ATP6V0A2: variants seen among roughly 807,000 people sequenced by gnomAD.
ATP6V0A2 encodes V-type proton ATPase 116 kDa subunit a 2.
Under a neutral mutation model 104.4 loss-of-function variants are expected in ATP6V0A2, and 58 were observed. The observed-to-expected ratio is 0.56, with a 90% CI of 0.45 to 0.69. The LOEUF is 0.69. ATP6V0A2 is among the 30% of genes least tolerant of loss of function. The pLI, the probability that ATP6V0A2 is intolerant of heterozygous loss-of-function variation, is 0.00. For missense variants in ATP6V0A2, 938 were observed against 1,062.9 expected (o/e 0.88, Z 1.63); for synonymous variants, 376 against 397.9 (o/e 0.95, Z 0.65).
At chr12:123,745,298 A>G (rs1022776710) in intron 13 of ATP6V0A2, among the ~76,000 whole-genome samples, 23 of 152,204 alleles carry the variant, frequency 1.5e-4, no homozygotes, top group African/African-American at 5.3e-4. Context: ...TTCCTCGTAT[A>G]TGTGAACTTT....
Position 123,759,882 on chromosome 12 carries a change from G to T in ATP6V0A2, c.*1850G>T, listed in dbSNP as rs1245631323. On this transcript the variant is annotated 3_prime_UTR_variant, in exon 20 of 20. Transcript: ENST00000330342. ...TGTCCCTCATATTAAATTATCAAATGATGCCGATGAAATGCTTGAAAATGA... is the reference window on the plus strand; with the variant it reads ...TGTCCCTCATATTAAATTATCAAATTATGCCGATGAAATGCTTGAAAATGA... 6.6e-6 allele frequency: 1 copy of T among 152,206 alleles called. No homozygotes were observed. The highest frequency in any genetic ancestry group is 2.4e-5 in the African/African-American group (1 of 41,438). 9.4% of individuals were successfully genotyped at this position (152,206 alleles called of 1,614,324 possible). A position where few individuals can be genotyped will look rare whatever the true frequency, so the allele number is the denominator to read the frequency against.
intron 1 of ATP6V0A2, among the ~76,000 whole-genome samples, chr12:123,716,803 AG>A (rs1298236087): frequency 5.3e-5 from 8 of 151,290 alleles, no homozygotes; most frequent in African/African-American, 2.0e-4. Flanking sequence ...AAAAAAAAAA[AG>A]AGTTTATAGA....
At position 123,752,371 on chromosome 12, in the gene ATP6V0A2, A is replaced by G. The variant is rs1956724373; in HGVS notation, c.2144A>G (p.Glu715Gly). ...QDIEEGNHQV[E>G]DGCREMACEE... Reference sequence around the variant, plus strand: ...ATAGAAGAGGGAAATCACCAGGTGGAAGATGGATGTAGAGAAATGGCGTGT... The same window carrying G: ...ATAGAAGAGGGAAATCACCAGGTGGGAGATGGATGTAGAGAAATGGCGTGT... Residue 715 changes from glutamate to glycine, a missense_variant, in exon 17 of 20, where the codon GAA (glutamate) becomes GGA (glycine). Glu to Gly is a moderately conservative substitution (Grantham distance 98, BLOSUM62 -2). Coordinates refer to ENST00000330342, the MANE Select transcript of ATP6V0A2 (RefSeq NM_012463.4). The G allele has an allele frequency of 6.2e-7, 1 of 1,614,052 alleles. No individual in the cohort carries two copies. The highest frequency in any genetic ancestry group is 8.5e-7 in the Non-Finnish European group (1 of 1,180,028).
chr12:123,757,068 AG>A (rs1566294881), intron 19 of ATP6V0A2, 82 bp downstream of exon 19: 6 of 1,430,808 alleles, frequency 4.2e-6, no homozygotes, highest in Non-Finnish European at 5.9e-6. Flanking sequence ...AAATATACAC[AG>A]CCCCTGCAAA....
In ATP6V0A2 at chr12:123,722,445, G is replaced by T; in HGVS notation, c.291G>T (p.Met97Ile). The change falls in exon 3 of 20, where the codon ATG becomes ATT. Residue 97 changes from methionine to isoleucine, a missense_variant. Met to Ile is a conservative substitution (Grantham distance 10, BLOSUM62 1). Coordinates refer to ENST00000330342, the MANE Select transcript of ATP6V0A2 (RefSeq NM_012463.4). ...CACCCCTGAAACAGGTTCTAGAAAT[G>T]CAGGTAACTTGCTTCTGACGAAGCT... is the stretch of plus-strand genomic sequence containing the variant. ...PAPPLKQVLE[M>I]QEQLQKLEVE... 4 of 1,601,234 alleles carry T rather than the reference G, an allele frequency of 2.5e-6. No individual in the cohort carries two copies. Among genetic ancestry groups the T allele is most frequent in the Non-Finnish European group, 3.4e-6 (4 of 1,168,268 alleles).
intron 1 of ATP6V0A2, among the ~76,000 whole-genome samples, chr12:123,713,668 A>T (rs1418088739): frequency 6.6e-6 from 1 of 152,256 alleles, no homozygotes; most frequent in South Asian, 2.1e-4. Flanking sequence ...CACTCTGATT[A>T]TGAGCTGTGA....
chr12:123,729,333 TGAGTGCAAATCTTGGTA>T (rs1956478966), intron 6 of ATP6V0A2, among the ~76,000 whole-genome samples: 1 of 150,762 alleles, frequency 6.6e-6, no homozygotes, highest in Non-Finnish European at 1.5e-5. Context: ...TTTTTTTTTT[TGAGTGCAAATCTTGGTA>T]TTTTGAAGCC....
At chr12:123,735,480 T>G in intron 7 of ATP6V0A2, 51 bp from the exon 8 acceptor site, 1 of 1,538,886 alleles carries the variant, frequency 6.5e-7, no homozygotes, top group Non-Finnish European at 9.0e-7. Flanking sequence ...GTGAACGTGT[T>G]TAGTTCTAGT....
Position 123,744,927 on chromosome 12 carries a change from CA to C in ATP6V0A2, c.1561del (p.Ile521PhefsTer27), listed in dbSNP as rs751317856. ...ACAGCATTTTGCAGCTGGATCCAAGCATTCCTGGAGTGTTCCGAGGCCCTTA... is the reference window on the plus strand; with the variant it reads ...ACAGCATTTTGCAGCTGGATCCAAGCTTCCTGGAGTGTTCCGAGGCCCTTA... ...HNSILQLDPS[I>X]PGVFRGPYPL... is the part of the protein sequence containing the mutation. On this transcript the variant is annotated frameshift_variant, in exon 13 of 20. Coordinates refer to ENST00000330342, the MANE Select transcript of ATP6V0A2 (RefSeq NM_012463.4). LOFTEE classifies it high-confidence loss of function. This position sits in a 1 kb window ranked among gnomAD's most constrained non-coding sequence, Gnocchi z 5.4. 5.0e-6 allele frequency: 8 copies of C among 1,614,250 alleles called. No individual in the cohort carries two copies. In the East Asian group the frequency reaches 1.8e-4, roughly 36 times the overall value.
chr12:123,718,271 G>A (rs545587375), intron 1 of ATP6V0A2, among the ~76,000 whole-genome samples: 67 of 151,888 alleles, frequency 4.4e-4, no homozygotes, highest in African/African-American at 1.5e-3. Flanking sequence ...TTGTGTTTTC[G>A]TAGAGGTGGG....
At chr12:123,743,993 C>G (rs1163993631) in intron 10 of ATP6V0A2, 58 bp downstream of exon 10, 3 of 1,594,780 alleles carry the variant, frequency 1.9e-6, no homozygotes, top group African/African-American at 2.7e-5. Flanking sequence ...CATTCTTGCT[C>G]TAAGAATGGA....
chr12:123,751,807 C>G (rs893211651), intron 16 of ATP6V0A2, among the ~76,000 whole-genome samples: 15 of 151,554 alleles, frequency 9.9e-5, no homozygotes, highest in African/African-American at 3.4e-4. Context: ...TTTCCATATT[C>G]GTCTTAATTT....
At chr12:123,733,113 G>A (rs1437099659) in intron 6 of ATP6V0A2, 1 of 152,080 alleles carries the variant, frequency 6.6e-6, no homozygotes, top group African/African-American at 2.4e-5. Context: ...AGGAGATCGA[G>A]ACCAGCCTGA....
chr12:123,756,760 A>G, intron 18 of ATP6V0A2, 55 bp from the exon 19 acceptor site: 1 of 1,583,994 alleles, frequency 6.3e-7, no homozygotes, highest in South Asian at 1.1e-5. Flanking sequence ...TAGCTCACAG[A>G]GGGACCCACT....
At chr12:123,714,809 C>A (rs767397661) in intron 1 of ATP6V0A2, among the ~76,000 whole-genome samples, 1 of 152,166 alleles carries the variant, frequency 6.6e-6, no homozygotes, top group South Asian at 2.1e-4. Flanking sequence ...TGTCTGGGCA[C>A]GGTGGTTCAC....
intron 16 of ATP6V0A2, among the ~76,000 whole-genome samples, chr12:123,751,885 G>T: frequency 7.5e-6 from 1 of 132,502 alleles, no homozygotes; most frequent in African/African-American, 2.7e-5. Context: ...TTTGAGACTG[G>T]AGTCTTCGTC....
rs781305219 is a variant in ATP6V0A2 at position 123,737,251 on chromosome 12, C to T, written c.1018C>T (p.Arg340Trp). 6.6e-5 allele frequency: 107 copies of T among 1,614,004 alleles called. 2 individuals carry two copies. In the South Asian group the frequency reaches 6.9e-4, roughly 10 times the overall value. The change falls in exon 9 of 20, where the codon CGG becomes TGG. Residue 340 changes from arginine (R) to tryptophan (W), a missense_variant. Physicochemically the swap from Arg to Trp is moderately radical, Grantham distance 101. Coordinates refer to ENST00000330342, the MANE Select transcript of ATP6V0A2 (RefSeq NM_012463.4). ...CPEADLQDLR[R>W]ALEEGSRESG... ...CGAGGCGGATCTGCAGGACCTGCGC[C>T]GGGCACTGGAGGAGGGCTCGGTAAG...
chr12:123,746,143 GA>G (rs899655773), intron 13 of ATP6V0A2, among the ~76,000 whole-genome samples: 25 of 151,722 alleles, frequency 1.6e-4, no homozygotes, highest in African/African-American at 5.3e-4. Context: ...TTGTGTTAAG[GA>G]AAGAAATATT....
chr12:123,740,984 C>T (rs1956603920), intron 9 of ATP6V0A2, among the ~76,000 whole-genome samples: 1 of 151,792 alleles, frequency 6.6e-6, no homozygotes, highest in African/African-American at 2.4e-5. Flanking sequence ...CCTTTTGAAA[C>T]AGTAAGTTAC....
Sources: allele counts gnomAD v4.1 joint callset (sites outside exome capture counted in the v4.1 genomes callset), GRCh38; gene constraint gnomAD v4.1.1; non-coding constraint Gnocchi (gnomAD v3.1); transcripts MANE v1.5; gene names NCBI Gene and HGNC (gene_info 2026-07-23, HGNC 2026-07-21).